The following ANGPT1 variants were observed in gnomAD, a reference collection of about 807,000 sequenced individuals.
The protein encoded by ANGPT1 is angiopoietin-1.
Under a neutral mutation model 62.2 loss-of-function variants are expected in ANGPT1, and 17 were observed. The ratio of observed to expected loss-of-function variants is 0.27; its 90% CI spans 0.19 to 0.41. The LOEUF is 0.41. ANGPT1 is among the 10% of genes least tolerant of loss of function. The pLI, the probability that ANGPT1 is intolerant of heterozygous loss-of-function variation, is 1.00. For missense variants in ANGPT1, 478 were observed against 594.9 expected (o/e 0.80, Z 2.04); for synonymous variants, 199 against 198.9 (o/e 1.00, Z 0.00).
chr8:107,477,875 C>A (rs1242913711), intron 1 of ANGPT1, among the ~76,000 whole-genome samples: 1 of 152,020 alleles, frequency 6.6e-6, no homozygotes, highest in African/African-American at 2.4e-5. Flanking sequence ...GTTTTGGGTG[C>A]TTTCAACATA....
chr8:107,414,124 G>A (rs1337204015), intron 1 of ANGPT1, among the ~76,000 whole-genome samples: 4 of 152,176 alleles, frequency 2.6e-5, no homozygotes, highest in Admixed American at 1.3e-4. Flanking sequence ...TAATCGTTCT[G>A]CTAGGAACCC....
At chr8:107,313,540 T>G (rs1814935139) in intron 4 of ANGPT1, among the ~76,000 whole-genome samples, 1 of 147,476 alleles carries the variant, frequency 6.8e-6, no homozygotes, top group Non-Finnish European at 1.5e-5. Context: ...CCCAGGTTTC[T>G]GCCATTCTCC....
intron 1 of ANGPT1, among the ~76,000 whole-genome samples, chr8:107,378,762 G>A (rs1204083327): frequency 2.6e-5 from 4 of 151,998 alleles, no homozygotes; most frequent in Non-Finnish European, 5.9e-5. Context: ...TTGTGAAGAA[G>A]GTGCATTGGC....
intron 7 of ANGPT1, among the ~76,000 whole-genome samples, chr8:107,274,553 G>A (rs1813814510): frequency 6.6e-6 from 1 of 152,034 alleles, no homozygotes; most frequent in African/African-American, 2.4e-5. Flanking sequence ...GATAAAAGAA[G>A]CTAGAGTTTA....
chr8:107,492,053 T>C (rs1812972579), intron 1 of ANGPT1, among the ~76,000 whole-genome samples: 1 of 152,144 alleles, frequency 6.6e-6, no homozygotes, highest in Non-Finnish European at 1.5e-5. Context: ...GAAAGGGTTT[T>C]TTTTGGATCT....
rs1563563999 is a variant in ANGPT1, at chr8:107,313,425, A to AGCT, written c.808+8470_808+8471insAGC. Among the ~76,000 whole-genome samples, 11 of 72,226 alleles carry AGCT rather than the reference A, an allele frequency of 1.5e-4. No homozygotes were observed. In the East Asian group the frequency reaches 4.8e-3, roughly 32 times the overall value. The allele number at this position is 72,226 out of a possible 152,430, so 47.4% of individuals were successfully genotyped here. A position where few individuals can be genotyped will look rare whatever the true frequency, so the allele number is the denominator to read the frequency against. ...CCTATAGGAAGCTAAAAATGTTACT[A>AGCT]GTTGTTTTTTTTTTTTTTTTTTTTT... On this transcript the variant is annotated intron_variant, in intron 4 of 8. Coordinates refer to ENST00000517746, the MANE Select transcript of ANGPT1 (RefSeq NM_001146.5).
chr8:107,411,044 A>C (rs2130355638), intron 1 of ANGPT1, among the ~76,000 whole-genome samples: 1 of 152,302 alleles, frequency 6.6e-6, no homozygotes, highest in East Asian at 1.9e-4. Context: ...TCATAGGATA[A>C]AAACTCAAAA....
chr8:107,340,148 T>C (rs1815662800), intron 2 of ANGPT1, among the ~76,000 whole-genome samples: 1 of 152,188 alleles, frequency 6.6e-6, no homozygotes, highest in South Asian at 2.1e-4. Flanking sequence ...ATAGTTGAAG[T>C]GTTCCATTAA....
At chr8:107,317,938 G>T (rs551627813) in intron 4 of ANGPT1, among the ~76,000 whole-genome samples, 1 of 152,090 alleles carries the variant, frequency 6.6e-6, no homozygotes, top group East Asian at 1.9e-4. Flanking sequence ...GCCAACTAGT[G>T]GTTTTTTAAT....
At chr8:107,428,632 TTGTGTG>T (rs140085272) in intron 1 of ANGPT1, among the ~76,000 whole-genome samples, 11 of 149,220 alleles carry the variant, frequency 7.4e-5, no homozygotes, top group Admixed American at 3.4e-4. Context: ...TTTTTTCATT[TTGTGTG>T]TGTGTGTGTG....
At chr8:107,388,643 A>G (rs1195504120) in intron 1 of ANGPT1, among the ~76,000 whole-genome samples, 1 of 152,116 alleles carries the variant, frequency 6.6e-6, no homozygotes, top group East Asian at 1.9e-4. Flanking sequence ...CATAGTCTCT[A>G]GAGTGGACCT....
intron 1 of ANGPT1, among the ~76,000 whole-genome samples, chr8:107,415,439 G>A (rs566905441): frequency 6.6e-6 from 1 of 152,232 alleles, no homozygotes; most frequent in South Asian, 2.1e-4. Context: ...CCATACTCAA[G>A]TTTCCCATCA....
At chr8:107,267,543 T>C (rs1467765031) in intron 7 of ANGPT1, among the ~76,000 whole-genome samples, 4 of 152,108 alleles carry the variant, frequency 2.6e-5, no homozygotes, top group Non-Finnish European at 5.9e-5. Flanking sequence ...TCTTGGCAGT[T>C]CTTCTCTGGA....
At chr8:107,318,095 T>C (rs903476691) in intron 4 of ANGPT1, among the ~76,000 whole-genome samples, 11 of 152,236 alleles carry the variant, frequency 7.2e-5, no homozygotes, top group African/African-American at 1.9e-4. Context: ...AGCTTTGACA[T>C]TGTGATAACA....
At chr8:107,427,001 C>T (rs1811057428) in intron 1 of ANGPT1, among the ~76,000 whole-genome samples, 1 of 152,106 alleles carries the variant, frequency 6.6e-6, no homozygotes, top group African/African-American at 2.4e-5. Flanking sequence ...AAAAAGTTAG[C>T]ATCAAAGCAA....
chr8:107,269,841 C>T (rs78341387), intron 7 of ANGPT1, among the ~76,000 whole-genome samples: 46 of 151,952 alleles, frequency 3.0e-4, no homozygotes, highest in Non-Finnish European at 6.0e-4. Flanking sequence ...TGAGTCCCTT[C>T]GACGGATGAC....
intron 5 of ANGPT1, among the ~76,000 whole-genome samples, chr8:107,300,030 T>TAGTATATTTAGATACATACTATACTATA (rs1814544154): frequency 7.0e-6 from 1 of 142,802 alleles, no homozygotes. Flanking sequence ...TGTAGTTATA[T>TAGTATATTTAGATACATACTATACTATA]CTAGATATAA....
At chr8:107,414,642 C>T (rs1810689423) in intron 1 of ANGPT1, among the ~76,000 whole-genome samples, 1 of 152,124 alleles carries the variant, frequency 6.6e-6, no homozygotes, top group Non-Finnish European at 1.5e-5. Context: ...AAACCAGTAA[C>T]CTCATCCAAA....
chr8:107,463,628 C>T (rs1283726), intron 1 of ANGPT1, among the ~76,000 whole-genome samples: 140,582 of 152,088 alleles, frequency 0.92, 65,134 homozygotes, highest in African/African-American at 0.98. Context: ...TTAATAGAAA[C>T]CTATGGCTGC....
Sources: allele counts gnomAD v4.1 joint callset (sites outside exome capture counted in the v4.1 genomes callset), GRCh38; gene constraint gnomAD v4.1.1; transcripts MANE v1.5; gene names NCBI Gene and HGNC (gene_info 2026-07-23, HGNC 2026-07-21).